The following MAN2A1 variants were observed in gnomAD, a reference collection of about 807,000 sequenced individuals.
The protein encoded by MAN2A1 is alpha-mannosidase 2.
In MAN2A1, 76 loss-of-function variants were observed where a neutral mutation model predicts 142.6. The ratio of observed to expected loss-of-function variants is 0.53; its 90% CI spans 0.44 to 0.65. The LOEUF (loss-of-function observed/expected upper bound fraction) is 0.65. MAN2A1 is among the 30% of genes least tolerant of loss of function. The probability of loss-of-function intolerance (pLI) is 0.00; values close to 1 mark genes in which losing one functional copy is unlikely to be tolerated. For missense variants in MAN2A1, 1,311 were observed against 1,365.1 expected, an observed-to-expected ratio of 0.96 and a Z score of 0.62; for synonymous variants, 559 against 473.2, an observed-to-expected ratio of 1.18 and a Z score of -2.35.
intron 4 of MAN2A1, among the ~76,000 whole-genome samples, 180 bp downstream of exon 4, chr5:109,729,693 C>T (rs182757069): frequency 1.3e-5 from 2 of 152,110 alleles, no homozygotes; most frequent in East Asian, 1.9e-4. Flanking sequence ...GAAACTTTTC[C>T]ATTTAAATCC....
intron 4 of MAN2A1, among the ~76,000 whole-genome samples, chr5:109,732,631 A>G (rs2112589263): frequency 6.6e-6 from 1 of 152,196 alleles, no homozygotes; most frequent in East Asian, 1.9e-4. Context: ...TCCTTTCCCC[A>G]TTGCTTGTTT....
intron 6 of MAN2A1, 22 bp downstream of exon 6, chr5:109,767,730 T>A (rs1307936324): frequency 6.3e-7 from 1 of 1,597,392 alleles, no homozygotes; most frequent in Non-Finnish European, 8.5e-7. Context: ...TTGATGAAAG[T>A]TGATCCCATT....
chr5:109,730,289 T>C (rs1414711166), intron 4 of MAN2A1, among the ~76,000 whole-genome samples: 1 of 152,152 alleles, frequency 6.6e-6, no homozygotes, highest in African/African-American at 2.4e-5. Flanking sequence ...TTTTGTGACT[T>C]GCTTATTGTA....
chr5:109,801,276 A>T lies in MAN2A1; in HGVS notation c.1943+11749A>T, dbSNP rs116652398. On this transcript the variant is annotated intron_variant, in intron 12 of 21. Transcript: ENST00000261483. ...TGAACTCAGGATGGTTCCTGCTTCT[A>T]CATACAGTACATCTGTGTTTCGTCC... 5.9e-3 allele frequency among the ~76,000 whole-genome samples: 898 copies of T among 152,246 alleles called. 5 individuals carry two copies. Among genetic ancestry groups the T allele is most frequent in the African/African-American group, 0.021 (857 of 41,534 alleles).
At chr5:109,836,128 C>T (rs1304776525) in intron 16 of MAN2A1, among the ~76,000 whole-genome samples, 2 of 150,566 alleles carry the variant, frequency 1.3e-5, no homozygotes, top group East Asian at 3.9e-4. Flanking sequence ...ATTATTTTTG[C>T]GATGGAGTCC....
At chr5:109,818,814 G>A (rs1469429451) in intron 13 of MAN2A1, among the ~76,000 whole-genome samples, 1 of 151,954 alleles carries the variant, frequency 6.6e-6, no homozygotes, top group Non-Finnish European at 1.5e-5. Context: ...CCAACTTTAG[G>A]TTATTAGGTT....
chr5:109,812,053 G>A (rs1754333828), intron 12 of MAN2A1, among the ~76,000 whole-genome samples: 2 of 152,120 alleles, frequency 1.3e-5, no homozygotes, highest in East Asian at 1.9e-4. Flanking sequence ...CAGGGTCCTT[G>A]GTCAGGATAC....
At chr5:109,848,157 T>A (rs569484525) in intron 19 of MAN2A1, among the ~76,000 whole-genome samples, 2 of 152,204 alleles carry the variant, frequency 1.3e-5, no homozygotes, top group African/African-American at 4.8e-5. Flanking sequence ...TAAACTTTAT[T>A]TGAAATCTTA....
intron 12 of MAN2A1, among the ~76,000 whole-genome samples, chr5:109,812,175 A>G (rs1261557833): frequency 6.6e-6 from 1 of 152,182 alleles, no homozygotes; most frequent in African/African-American, 2.4e-5. Flanking sequence ...AACATTAACA[A>G]TAATCTTGTT....
At chr5:109,826,080 A>G (rs761519694) in intron 16 of MAN2A1, among the ~76,000 whole-genome samples, 44 of 149,522 alleles carry the variant, frequency 2.9e-4, no homozygotes, top group Non-Finnish European at 4.5e-4. Flanking sequence ...TAATTTTTCT[A>G]TTTTTAGTAG....
At position 109,782,814 on chromosome 5, in the gene MAN2A1, A is replaced by G. The variant is rs1386731303; in HGVS notation, c.1577+1216A>G. On this transcript the variant is annotated intron_variant, in intron 9 of 21. Transcript: ENST00000261483. ...AGATACATATTAGTTGTACATATTT[A>G]TGGAGTACATGTGATATTTTGATAT... Among the ~76,000 whole-genome samples, 4 of 152,106 alleles carry G rather than the reference A, an allele frequency of 2.6e-5. No homozygotes were observed. The East Asian group carries it at 5.8e-4, about 22-fold the overall frequency.
chr5:109,737,146 T>G (rs1045919961), intron 4 of MAN2A1, among the ~76,000 whole-genome samples: 11 of 138,146 alleles, frequency 8.0e-5, no homozygotes, highest in African/African-American at 3.1e-4. Flanking sequence ...CAGGCTGAAG[T>G]GCACTGGTGT....
At chr5:109,802,142 A>C (rs1352504687) in intron 12 of MAN2A1, among the ~76,000 whole-genome samples, 1 of 152,162 alleles carries the variant, frequency 6.6e-6, no homozygotes, top group Non-Finnish European at 1.5e-5. Context: ...CAGAACCTAC[A>C]CAGGCAAGGT....
intron 20 of MAN2A1, among the ~76,000 whole-genome samples, chr5:109,860,872 C>T (rs1186105884): frequency 6.6e-6 from 1 of 152,174 alleles, no homozygotes; most frequent in Non-Finnish European, 1.5e-5. Flanking sequence ...TTTATCTCTG[C>T]TGGAACCATC....
intron 4 of MAN2A1, among the ~76,000 whole-genome samples, chr5:109,754,795 G>T (rs1752643120): frequency 6.6e-6 from 1 of 152,136 alleles, no homozygotes; most frequent in Non-Finnish European, 1.5e-5. Context: ...TGAGGCTGGG[G>T]GTTCAAGACC....
At chr5:109,731,814 A>G (rs1037952747) in intron 4 of MAN2A1, among the ~76,000 whole-genome samples, 6 of 149,498 alleles carry the variant, frequency 4.0e-5, no homozygotes, top group Admixed American at 2.0e-4. Context: ...TAGTGCCGCA[A>G]TAAACATACA....
intron 16 of MAN2A1, among the ~76,000 whole-genome samples, chr5:109,835,981 G>T (rs1166028645): frequency 2.0e-5 from 3 of 152,072 alleles, no homozygotes; most frequent in Non-Finnish European, 2.9e-5. Context: ...TATGACTCCA[G>T]GGTTTCCATT....
chr5:109,862,102 ATATTGTCACTGCGG>A (rs1302392276), intron 20 of MAN2A1, among the ~76,000 whole-genome samples: 4 of 152,230 alleles, frequency 2.6e-5, no homozygotes, highest in African/African-American at 7.2e-5. Flanking sequence ...GCAATGACTG[ATATTGTCACTGCGG>A]TTGACCCTCA....
chr5:109,836,553 T>G (rs1252934400), intron 16 of MAN2A1, among the ~76,000 whole-genome samples: 1 of 152,226 alleles, frequency 6.6e-6, no homozygotes, highest in Non-Finnish European at 1.5e-5. Context: ...GGGAAGGCTC[T>G]GAGAAGAGCA....
Sources: allele counts gnomAD v4.1 joint callset (sites outside exome capture counted in the v4.1 genomes callset), GRCh38; gene constraint gnomAD v4.1.1; transcripts MANE v1.5; gene names NCBI Gene and HGNC (gene_info 2026-07-23, HGNC 2026-07-21).